Variants in AP1S3 observed in about 807,000 individuals in gnomAD.
AP1S3 encodes the protein adaptor related protein complex 1 subunit sigma 3, also known as AP-1 complex subunit sigma-3.
A neutral mutation model predicts 20.9 loss-of-function variants in AP1S3; 10 were observed. That is an observed-to-expected ratio of 0.48 (90% CI 0.29 to 0.81). The LOEUF (loss-of-function observed/expected upper bound fraction) is 0.81. AP1S3 is among the 30% of genes least tolerant of loss of function. The pLI, the probability that AP1S3 is intolerant of heterozygous loss-of-function variation, is 0.08. For missense variants in AP1S3, 154 were observed against 183.8 expected, an observed-to-expected ratio of 0.84 and a Z score of 0.94; for synonymous variants, 41 against 61.5, an observed-to-expected ratio of 0.67 and a Z score of 1.56.
At chr2:223,765,124 C>T (rs188136321) in intron 4 of AP1S3, 89 bp downstream of exon 4, 410 of 1,528,198 alleles carry the variant, frequency 2.7e-4, no homozygotes, top group Non-Finnish European at 3.4e-4. Context: ...AGAGTAAGTA[C>T]TCAGTAAGTC....
chr2:223,757,858 C>G lies in AP1S3; in HGVS notation c.*857G>C. 5 of 985,106 alleles carry G rather than the reference C, an allele frequency of 5.1e-6. No individual in the cohort carries two copies. Among genetic ancestry groups the G allele is most frequent in the Non-Finnish European group, 6.0e-6 (5 of 829,692 alleles). 61.0% of individuals were successfully genotyped at this position (985,106 alleles called of 1,614,324 possible). On this transcript the variant is annotated 3_prime_UTR_variant, in exon 5 of 5. Transcript: ENST00000396654. ...AACATATTTGAAATGAAATTTCCAG[C>G]ATCTAAGAGTGCTTGGAACGTGAAT...
At chr2:223,785,184 T>C (rs1041518104) in intron 1 of AP1S3, among the ~76,000 whole-genome samples, 2 of 151,892 alleles carry the variant, frequency 1.3e-5, no homozygotes, top group African/African-American at 4.8e-5. Flanking sequence ...CTACTAAAAA[T>C]ACAAAAAATT....
chr2:223,767,254 A>C (rs1283718832), intron 3 of AP1S3, among the ~76,000 whole-genome samples: 1 of 151,984 alleles, frequency 6.6e-6, no homozygotes, highest in Non-Finnish European at 1.5e-5. Context: ...TCTCAGCCAC[A>C]TGTGGTACTC....
chr2:223,809,696 C>T (rs1254443552), intron 1 of AP1S3, among the ~76,000 whole-genome samples: 2 of 151,684 alleles, frequency 1.3e-5, no homozygotes, highest in East Asian at 1.9e-4. Context: ...CCTACCCTGA[C>T]CACCCTATAT....
At chr2:223,764,703 T>A (rs1193277303) in intron 4 of AP1S3, among the ~76,000 whole-genome samples, 2 of 152,156 alleles carry the variant, frequency 1.3e-5, no homozygotes, top group East Asian at 1.9e-4. Context: ...AGCTTTAATA[T>A]CTCTGGCAAA....
chr2:223,769,525 T>C (rs1322018605), intron 3 of AP1S3, among the ~76,000 whole-genome samples: 1 of 152,198 alleles, frequency 6.6e-6, no homozygotes, highest in African/African-American at 2.4e-5. Flanking sequence ...ACTTTGTTTT[T>C]TTCTATTGTA....
At chr2:223,808,588 A>C (rs1386589380) in intron 1 of AP1S3, among the ~76,000 whole-genome samples, 4 of 152,280 alleles carry the variant, frequency 2.6e-5, no homozygotes, top group Non-Finnish European at 5.9e-5. Flanking sequence ...CTAATTTTTG[A>C]TTCTCTGTAG....
intron 1 of AP1S3, among the ~76,000 whole-genome samples, chr2:223,802,910 A>G (rs953004819): frequency 3.3e-5 from 5 of 152,234 alleles, no homozygotes; most frequent in Admixed American, 3.3e-4. Flanking sequence ...CCTGGGCTAC[A>G]TAAATCAATA....
At chr2:223,829,913 C>A (rs1049714136) in intron 1 of AP1S3, among the ~76,000 whole-genome samples, 1 of 151,950 alleles carries the variant, frequency 6.6e-6, no homozygotes, top group Admixed American at 6.6e-5. Context: ...CACTCTACAA[C>A]AGAAGAGTTG....
In AP1S3 at chr2:223,762,839, G is replaced by A. The variant is rs567544914; in HGVS notation, c.429+2374C>T. On this transcript the variant is annotated intron_variant, in intron 4 of 4. Transcript: ENST00000396654. The stretch of plus-strand genomic sequence containing the variant: ...CTAGAGAAAAGTCTTAGGGGCTACT[G>A]AAGATTGACAGCTGTTCTCACAGCT... 2.0e-5 allele frequency among the ~76,000 whole-genome samples: 3 copies of A among 151,960 alleles called. No individual in the cohort carries two copies. In the South Asian group the frequency reaches 6.2e-4, roughly 32 times the overall value.
intron 1 of AP1S3, among the ~76,000 whole-genome samples, chr2:223,783,204 A>G (rs1191461647): frequency 6.6e-6 from 1 of 152,168 alleles, no homozygotes; most frequent in Non-Finnish European, 1.5e-5. Flanking sequence ...CCCAGGAGAC[A>G]CCAACTTCAG....
At chr2:223,833,982 C>T (rs1283032080) in intron 1 of AP1S3, among the ~76,000 whole-genome samples, 1 of 151,862 alleles carries the variant, frequency 6.6e-6, no homozygotes, top group Non-Finnish European at 1.5e-5. Context: ...GATCTTGGCT[C>T]ACCACAACCT....
chr2:223,806,774 C>T (rs950569509), intron 1 of AP1S3, among the ~76,000 whole-genome samples: 1 of 151,886 alleles, frequency 6.6e-6, no homozygotes, highest in Non-Finnish European at 1.5e-5. Context: ...TTTTGAGGTC[C>T]TAATTATTTC....
chr2:223,764,494 A>G (rs1690431722), intron 4 of AP1S3, among the ~76,000 whole-genome samples: 1 of 152,072 alleles, frequency 6.6e-6, no homozygotes, highest in Non-Finnish European at 1.5e-5. Context: ...CGGCTTCTAA[A>G]AGAACATTCC....
At chr2:223,770,810 C>T (rs1318500111) in intron 3 of AP1S3, among the ~76,000 whole-genome samples, 1 of 148,362 alleles carries the variant, frequency 6.7e-6, no homozygotes, top group Non-Finnish European at 1.5e-5. Flanking sequence ...TTGCTGCAAC[C>T]CCTGCCTCCT....
chr2:223,780,751 C>CT (rs35643939), intron 1 of AP1S3, among the ~76,000 whole-genome samples: 35 of 148,382 alleles, frequency 2.4e-4, no homozygotes, highest in East Asian at 5.9e-4. Flanking sequence ...AATAGTTCAT[C>CT]TTTTTTTTTT....
At chr2:223,831,552 G>A (rs1439298369) in intron 1 of AP1S3, among the ~76,000 whole-genome samples, 2 of 152,136 alleles carry the variant, frequency 1.3e-5, no homozygotes, top group Non-Finnish European at 2.9e-5. Flanking sequence ...GATTATGGGG[G>A]AGCTTCAAAT....
intron 3 of AP1S3, among the ~76,000 whole-genome samples, chr2:223,765,986 G>A (rs1006212): frequency 0.19 from 29,176 of 152,078 alleles, 4,924 homozygotes; most frequent in African/African-American, 0.43. Context: ...AATCCCTGGC[G>A]CGGATCAAAG....
intron 1 of AP1S3, among the ~76,000 whole-genome samples, chr2:223,807,862 C>CTTTTATTTT (rs1691621977): frequency 1.5e-5 from 1 of 68,166 alleles, no homozygotes; most frequent in African/African-American, 5.8e-5. Context: ...TCAGGCATTT[C>CTTTTATTTT]TTTTCTTTTT....
Sources: allele counts gnomAD v4.1 joint callset (sites outside exome capture counted in the v4.1 genomes callset), GRCh38; gene constraint gnomAD v4.1.1; transcripts MANE v1.5; gene names NCBI Gene and HGNC (gene_info 2026-07-23, HGNC 2026-07-21).